MTARC2: variants seen among roughly 807,000 people sequenced by gnomAD.
MTARC2 encodes the protein MOCO sulphurase C-terminal domain containing 2.
In MTARC2, 27 loss-of-function variants were observed where a neutral mutation model predicts 35.6. That is an observed-to-expected ratio of 0.76 (90% CI 0.56 to 1.04). MTARC2 has a LOEUF of 1.04. MTARC2 is among the 50% of genes least tolerant of loss of function. MTARC2 has a pLI of 0.00. For synonymous variants in MTARC2, 158 were observed against 167.1 expected, an observed-to-expected ratio of 0.95 and a Z score of 0.42; for missense variants, 412 against 432.5, an observed-to-expected ratio of 0.95 and a Z score of 0.42.
chr1:220,763,035 T>C lies in MTARC2; in HGVS notation c.735T>C (p.Cys245=). Residue 245 remains cysteine, a synonymous_variant, in exon 4 of 8, where the codon TGT becomes TGC. Coordinates refer to ENST00000366913, the MANE Select transcript of MTARC2 (RefSeq NM_017898.5). The stretch of plus-strand genomic sequence containing the variant: ...GGCCAAATATTGTGGTGACCGGCTG[T>C]GATGCTTTTGAGGAGGTAAGCGACC... ...NFRPNIVVTG[C]DAFEEDTWDE... 1 of 1,614,082 alleles carries C rather than the reference T, an allele frequency of 6.2e-7. No homozygotes were observed. The highest frequency in any genetic ancestry group is 8.5e-7 in the Non-Finnish European group (1 of 1,180,018).
Position 220,748,384 on chromosome 1 carries a change from C to G in MTARC2, c.-148C>G, listed in dbSNP as rs1276803966. On this transcript the variant is annotated 5_prime_UTR_variant, in exon 1 of 8. Coordinates refer to ENST00000366913, the MANE Select transcript of MTARC2 (RefSeq NM_017898.5). ...CCCGCTCTCCGCGGAACTGCTCTGC[C>G]GTCTCGGCGGTGAAAGTGTGAGAGG... 2 of 787,806 alleles carry G rather than the reference C, an allele frequency of 2.5e-6. No individual in the cohort carries two copies. The highest frequency in any genetic ancestry group is 4.0e-5 in the South Asian group (1 of 24,986). The allele number at this position is 787,806 out of a possible 1,614,324, so 48.8% of individuals were successfully genotyped here. A position where few individuals can be genotyped will look rare whatever the true frequency, so the allele number is the denominator to read the frequency against.
chr1:220,765,113 A>T (rs1671546116), intron 4 of MTARC2, among the ~76,000 whole-genome samples: 1 of 152,176 alleles, frequency 6.6e-6, no homozygotes, highest in African/African-American at 2.4e-5. Context: ...AGGCCTGGGC[A>T]TGGGGAGGGG....
At chr1:220,773,989 A>G (rs956436343) in intron 4 of MTARC2, among the ~76,000 whole-genome samples, 9 of 151,780 alleles carry the variant, frequency 5.9e-5, no homozygotes, top group African/African-American at 2.2e-4. Flanking sequence ...ACACACACAC[A>G]TATAAAATGT....
intron 7 of MTARC2, among the ~76,000 whole-genome samples, chr1:220,782,997 T>G (rs996269093): frequency 2.0e-5 from 3 of 152,228 alleles, no homozygotes; most frequent in Non-Finnish European, 4.4e-5. Context: ...GATCCAGTCT[T>G]AGGTTCCATA....
chr1:220,755,165 T>C (rs776336685), intron 2 of MTARC2, 45 bp downstream of exon 2: 91 of 1,540,192 alleles, frequency 5.9e-5, no homozygotes, highest in Non-Finnish European at 7.8e-5. Flanking sequence ...AGGCTTGGTT[T>C]CTCTTCAGGC....
At position 220,769,934 on chromosome 1, in the gene MTARC2, C is replaced by CAAAAAAAAAAAAAAAAAAAAAAAA. The variant is rs57739324; in HGVS notation, c.750+6907_750+6908insAAAAAAAAAAAAAAAAAAAAAAAA. On this transcript the variant is annotated intron_variant, in intron 4 of 7. Transcript: ENST00000366913. ...TGAAACTCCATCTCTACTAAAAATACAAAAAAAAAAAAAAAAAAAAAAATT... is the reference window on the plus strand; with the variant it reads ...TGAAACTCCATCTCTACTAAAAATACAAAAAAAAAAAAAAAAAAAAAAAAAAAAAAAAAAAAAAAAAAAAAAATT... Among the ~76,000 whole-genome samples the CAAAAAAAAAAAAAAAAAAAAAAAA allele has an allele frequency of 7.9e-5, 5 of 63,418 alleles. 1 individual carries two copies. The highest frequency in any genetic ancestry group is 1.4e-4 in the Non-Finnish European group (5 of 35,842). 41.6% of individuals were successfully genotyped at this position (63,418 alleles called of 152,430 possible). A position where few individuals can be genotyped will look rare whatever the true frequency, so the allele number is the denominator to read the frequency against.
At chr1:220,773,964 AAC>A (rs3056885) in intron 4 of MTARC2, among the ~76,000 whole-genome samples, 8,577 of 148,134 alleles carry the variant, frequency 0.058, 374 homozygotes, top group East Asian at 0.26. Flanking sequence ...ATTATATATA[AAC>A]ACACACACAC....
At chr1:220,761,601 A>G (rs1278320279) in intron 2 of MTARC2, 57 bp from the exon 3 acceptor site, 15 of 1,515,538 alleles carry the variant, frequency 9.9e-6, no homozygotes, top group African/African-American at 1.4e-5. Context: ...TTTTGACACC[A>G]TCCCTCAGTG....
chr1:220,780,862 A>G (rs1270878860), intron 6 of MTARC2, among the ~76,000 whole-genome samples: 1 of 152,060 alleles, frequency 6.6e-6, no homozygotes, highest in Admixed American at 6.5e-5. Context: ...TTATTTAATC[A>G]TGTTTATTGC....
At chr1:220,772,371 C>G (rs11118600) in intron 4 of MTARC2, among the ~76,000 whole-genome samples, 52,061 of 152,074 alleles carry the variant, frequency 0.34, 10,503 homozygotes, top group East Asian at 0.74. Flanking sequence ...TTGTGCTCTT[C>G]CTGGCATTGC....
chr1:220,751,138 A>G (rs1040842794), intron 1 of MTARC2, among the ~76,000 whole-genome samples: 3 of 152,220 alleles, frequency 2.0e-5, no homozygotes, highest in Admixed American at 1.3e-4. Context: ...GAAAGGCCTC[A>G]TTTAATGAAT....
chr1:220,763,096 C>T (rs756375791), intron 4 of MTARC2, 46 bp downstream of exon 4: 57 of 1,613,636 alleles, frequency 3.5e-5, no homozygotes, highest in Non-Finnish European at 4.5e-5. Flanking sequence ...ATGTGCTGCT[C>T]GCGGTGCTAA....
chr1:220,766,964 A>G (rs1255672100), intron 4 of MTARC2, among the ~76,000 whole-genome samples: 1 of 145,216 alleles, frequency 6.9e-6, no homozygotes, highest in Non-Finnish European at 1.5e-5. Flanking sequence ...CAACATGGTG[A>G]AACCCCACCT....
intron 6 of MTARC2, among the ~76,000 whole-genome samples, chr1:220,780,488 T>C (rs936676332): frequency 3.2e-4 from 48 of 151,082 alleles, no homozygotes; most frequent in African/African-American, 1.1e-3. Context: ...AGCCTCACTC[T>C]GTCCCCCAGG....
chr1:220,751,643 T>C (rs577485497), intron 1 of MTARC2, among the ~76,000 whole-genome samples: 1 of 152,286 alleles, frequency 6.6e-6, no homozygotes, highest in South Asian at 2.1e-4. Flanking sequence ...AATTGAGAAA[T>C]GATATTTTTT....
rs1261548471 is a variant in MTARC2, at chr1:220,761,692, G to A, written c.481G>A (p.Gly161Ser). 1 of 1,613,952 alleles carries A rather than the reference G, an allele frequency of 6.2e-7. No homozygotes were observed. Among genetic ancestry groups the A allele is most frequent in the Admixed American group, 1.7e-5 (1 of 59,942 alleles). Reference protein sequence around the residue: ...FGLDIKGRDCGNEAAKWFTNF... With the variant: ...FGLDIKGRDCSNEAAKWFTNF... ...CCTTGACATTAAAGGCAGAGACTGT[G>A]GCAATGAGGCAGCTAAGTGGTTCAC... The change falls in exon 3 of 8, where the codon GGC becomes AGC. Residue 161 changes from glycine to serine, a missense_variant. Transcript: ENST00000366913.
At chr1:220,754,716 A>G (rs1235425785) in intron 1 of MTARC2, among the ~76,000 whole-genome samples, 8 of 152,138 alleles carry the variant, frequency 5.3e-5, no homozygotes, top group Non-Finnish European at 1.0e-4. Context: ...GGAGATTGCC[A>G]TACATCAGCC....
chr1:220,771,136 T>G (rs1262908956), intron 4 of MTARC2, among the ~76,000 whole-genome samples: 1 of 151,910 alleles, frequency 6.6e-6, no homozygotes, highest in African/African-American at 2.4e-5. Context: ...CCATCTCTAT[T>G]AAAAATACGA....
intron 4 of MTARC2, among the ~76,000 whole-genome samples, chr1:220,767,898 T>C (rs1357388677): frequency 6.6e-6 from 1 of 152,192 alleles, no homozygotes; most frequent in African/African-American, 2.4e-5. Context: ...AGAAACACAG[T>C]TTTTGTAAAT....
Sources: allele counts gnomAD v4.1 joint callset (sites outside exome capture counted in the v4.1 genomes callset), GRCh38; gene constraint gnomAD v4.1.1; transcripts MANE v1.5; gene names NCBI Gene and HGNC (gene_info 2026-07-23, HGNC 2026-07-21).